The following MCTP2 variants were observed in gnomAD, a reference collection of about 807,000 sequenced individuals.
MCTP2 encodes multiple C2 and transmembrane domain-containing protein 2.
MCTP2 carries 132 observed loss-of-function variants against 111.6 expected under a neutral mutation model. That is an observed-to-expected ratio of 1.18 (90% CI 1.03 to 1.37). MCTP2 has a LOEUF of 1.37. MCTP2 is among the 40% of genes most tolerant of loss of function. MCTP2 has a pLI of 0.00. For synonymous variants in MCTP2, 395 were observed against 387.7 expected, an observed-to-expected ratio of 1.02 and a Z score of -0.22; for missense variants, 1,183 against 1,067.9, an observed-to-expected ratio of 1.11 and a Z score of -1.50.
intron 1 of MCTP2, among the ~76,000 whole-genome samples, chr15:94,245,476 A>ATATATT (rs1163436699): frequency 7.1e-6 from 1 of 140,276 alleles, no homozygotes; most frequent in Non-Finnish European, 1.5e-5. Context: ...ACATATATGT[A>ATATATT]TATATACATA....
At chr15:94,456,301 C>G (rs1251650451) in intron 19 of MCTP2, among the ~76,000 whole-genome samples, 1 of 152,150 alleles carries the variant, frequency 6.6e-6, no homozygotes, top group Non-Finnish European at 1.5e-5. Flanking sequence ...CAACCAGAAC[C>G]TCACTATTTG....
intron 4 of MCTP2, among the ~76,000 whole-genome samples, chr15:94,336,165 A>G (rs972864884): frequency 2.0e-5 from 3 of 152,156 alleles, no homozygotes; most frequent in Admixed American, 1.3e-4. Flanking sequence ...GCTCGGCACC[A>G]CACCGCTCTA....
rs148361130 is a variant in MCTP2 at position 94,321,249 on chromosome 15, G to A, written c.637+5612G>A. The stretch of plus-strand genomic sequence containing the variant: ...AGTTACAGTGTTCAATGGCTCAGTA[G>A]GGTGACTATACTTAATAATAATTTA... On this transcript the variant is annotated intron_variant, in intron 4 of 22. Transcript: ENST00000357742. 3.2e-3 allele frequency among the ~76,000 whole-genome samples: 481 copies of A among 152,164 alleles called. 1 individual carries two copies. Among genetic ancestry groups the A allele is most frequent in the African/African-American group, 0.011 (446 of 41,514 alleles).
intron 1 of MCTP2, among the ~76,000 whole-genome samples, chr15:94,295,312 C>T (rs2075221956): frequency 6.6e-6 from 1 of 152,040 alleles, no homozygotes. Context: ...TAGGGAACCT[C>T]TTTGAGAAAT....
At chr15:94,306,713 G>A (rs546266702) in intron 2 of MCTP2, among the ~76,000 whole-genome samples, 1 of 152,278 alleles carries the variant, frequency 6.6e-6, no homozygotes, top group African/African-American at 2.4e-5. Flanking sequence ...TCCACAATGG[G>A]GTATGTCCTT....
At chr15:94,311,778 A>T (rs1162176307) in intron 2 of MCTP2, among the ~76,000 whole-genome samples, 1 of 152,234 alleles carries the variant, frequency 6.6e-6, no homozygotes, top group Non-Finnish European at 1.5e-5. Flanking sequence ...ATATTTGAAT[A>T]AAAGCTCTGT....
At chr15:94,232,625 C>G (rs2070265005) in intron 1 of MCTP2, among the ~76,000 whole-genome samples, 1 of 152,090 alleles carries the variant, frequency 6.6e-6, no homozygotes, top group Non-Finnish European at 1.5e-5. Flanking sequence ...GGCTGGTGTG[C>G]TGTTGGGTAG....
At chr15:94,249,346 G>A (rs2072237137) in intron 1 of MCTP2, among the ~76,000 whole-genome samples, 1 of 152,094 alleles carries the variant, frequency 6.6e-6, no homozygotes, top group Non-Finnish European at 1.5e-5. Context: ...GGATATTTCT[G>A]GTCCTTCTAT....
intron 1 of MCTP2, among the ~76,000 whole-genome samples, chr15:94,238,143 C>A (rs1046929510): frequency 2.0e-5 from 3 of 152,134 alleles, no homozygotes; most frequent in African/African-American, 7.2e-5. Flanking sequence ...CATGGTCACT[C>A]ATATTTGGCT....
chr15:94,456,931 C>G (rs1347519185), intron 19 of MCTP2, among the ~76,000 whole-genome samples: 2 of 152,134 alleles, frequency 1.3e-5, no homozygotes, highest in African/African-American at 4.8e-5. Flanking sequence ...ACCCGCAATC[C>G]CTATTGGTAG....
chr15:94,390,562 C>A (rs1427865855), intron 14 of MCTP2, among the ~76,000 whole-genome samples: 1 of 152,056 alleles, frequency 6.6e-6, no homozygotes, highest in Non-Finnish European at 1.5e-5. Flanking sequence ...TTGAATCACA[C>A]ATTTACCCTT....
rs776640783 is a variant in MCTP2 at position 94,243,083 on chromosome 15, A to G, written c.-66+11419A>G. Among the ~76,000 whole-genome samples, 56 of 39,414 alleles carry G rather than the reference A, an allele frequency of 1.4e-3. 11 individuals are homozygous for G. Among genetic ancestry groups the G allele is most frequent in the African/African-American group, 5.6e-3 (47 of 8,406 alleles). The allele number at this position is 39,414 out of a possible 152,430, so 25.9% of individuals were successfully genotyped here. ...CATACACGTGTATATGTGTATCTAC[A>G]CATATACGTGTATATGTGTATCTAC... On this transcript the variant is annotated intron_variant, in intron 1 of 22. Transcript: ENST00000357742.
chr15:94,453,299 C>T (rs979251881), intron 19 of MCTP2, among the ~76,000 whole-genome samples: 13 of 152,212 alleles, frequency 8.5e-5, no homozygotes, highest in Non-Finnish European at 1.8e-4. Context: ...ATTTTCCTGA[C>T]TCTCTTCAGG....
chr15:94,475,415 A>G (rs954351516), intron 21 of MCTP2, among the ~76,000 whole-genome samples: 1 of 152,220 alleles, frequency 6.6e-6, no homozygotes, highest in African/African-American at 2.4e-5. Flanking sequence ...GCATTGTGTC[A>G]GGTATAATGC....
At chr15:94,406,958 A>G (rs1273793558) in intron 17 of MCTP2, among the ~76,000 whole-genome samples, 1 of 151,998 alleles carries the variant, frequency 6.6e-6, no homozygotes, top group Non-Finnish European at 1.5e-5. Flanking sequence ...TCTTGAAATA[A>G]TAGCTATAAA....
chr15:94,334,124 T>C (rs1292455686), intron 4 of MCTP2, among the ~76,000 whole-genome samples: 1 of 152,220 alleles, frequency 6.6e-6, no homozygotes. Flanking sequence ...ATACTAAACA[T>C]AGCATTCGTG....
intron 19 of MCTP2, among the ~76,000 whole-genome samples, chr15:94,448,879 A>G (rs989317710): frequency 1.3e-5 from 2 of 152,216 alleles, no homozygotes; most frequent in Admixed American, 6.5e-5. Context: ...CATCTCTACT[A>G]AAAATACAAA....
At chr15:94,292,951 A>C (rs2075097826) in intron 1 of MCTP2, 1 of 152,230 alleles carries the variant, frequency 6.6e-6, no homozygotes, top group East Asian at 1.9e-4. Context: ...TGATGAAAGT[A>C]CAAGAGCAAT....
intron 1 of MCTP2, among the ~76,000 whole-genome samples, chr15:94,244,154 TTATA>T (rs1253888934): frequency 1.0e-4 from 15 of 145,194 alleles, no homozygotes; most frequent in East Asian, 6.1e-4. Flanking sequence ...GTGTATATGT[TTATA>T]TACACGTGTA....
Sources: allele counts gnomAD v4.1 joint callset (sites outside exome capture counted in the v4.1 genomes callset), GRCh38; gene constraint gnomAD v4.1.1; transcripts MANE v1.5; gene names NCBI Gene and HGNC (gene_info 2026-07-23, HGNC 2026-07-21).